IFNAR2: variants seen among roughly 807,000 people sequenced by gnomAD.
The protein encoded by IFNAR2 is interferon alpha and beta receptor subunit 2.
Under a neutral mutation model 49.4 loss-of-function variants are expected in IFNAR2, and 30 were observed. The observed-to-expected ratio is 0.61, with a 90% CI of 0.45 to 0.82. IFNAR2 has a LOEUF of 0.82. Among genes scored for constraint, IFNAR2 ranks in the 40% least tolerant of loss-of-function variants. IFNAR2 has a pLI of 0.00. For synonymous variants in IFNAR2, 224 were observed against 234.5 expected (o/e 0.96, Z 0.41); for missense variants, 600 against 622.7 (o/e 0.96, Z 0.39).
chr21:33,253,008 T>G lies in IFNAR2; in HGVS notation c.709+178T>G, dbSNP rs1471164237. On this transcript the variant is annotated intron_variant, in intron 7 of 8. Coordinates refer to ENST00000342136, the MANE Select transcript of IFNAR2 (RefSeq NM_001289125.3). ...TGTGTATGATCTGGTAGAGTCACTT[T>G]TATATTGTCATACCAAAAAACAATC... The G allele has an allele frequency of 1.3e-5, 8 of 635,570 alleles. No individual in the cohort carries two copies. The Admixed American group carries it at 2.2e-4, about 17-fold the overall frequency. The allele number at this position is 635,570 out of a possible 1,614,324, so 39.4% of individuals were successfully genotyped here. A position where few individuals can be genotyped will look rare whatever the true frequency, so the allele number is the denominator to read the frequency against.
At position 33,229,955 on chromosome 21, in the gene IFNAR2, C is replaced by T; in HGVS notation, c.-345C>T. 14 of 983,888 alleles carry T rather than the reference C, an allele frequency of 1.4e-5. No homozygotes were observed. Among genetic ancestry groups the T allele is most frequent in the Non-Finnish European group, 1.7e-5 (14 of 829,420 alleles). 60.9% of individuals were successfully genotyped at this position (983,888 alleles called of 1,614,324 possible). ...GCGCTTCCGTATCGCTCCTCGTAGG[C>T]CGGGGCTCGGCGCGCGCACCCGCAC... On this transcript the variant is annotated 5_prime_UTR_variant, in exon 1 of 9. Transcript: ENST00000342136.
chr21:33,232,440 G>C (rs1478658981), intron 1 of IFNAR2, among the ~76,000 whole-genome samples: 1 of 152,042 alleles, frequency 6.6e-6, no homozygotes, highest in East Asian at 1.9e-4. Flanking sequence ...AATTTTCTCT[G>C]GCCCTAACAG....
At position 33,264,762 on chromosome 21, in the gene IFNAR2, G is replaced by A. The variant is rs1350191586; in HGVS notation, c.*1262G>A. On this transcript the variant is annotated 3_prime_UTR_variant, in exon 9 of 9. Transcript: ENST00000342136. ...CCAGCACTTTGGGATGCCTAAACAG[G>A]CGTATCGCTTGAGGCCAGTAATTCG... 1.3e-5 allele frequency: 2 copies of A among 152,254 alleles called. No individual in the cohort carries two copies. Among genetic ancestry groups the A allele is most frequent in the Non-Finnish European group, 2.9e-5 (2 of 68,096 alleles). 9.4% of individuals were successfully genotyped at this position (152,254 alleles called of 1,614,324 possible). A position where few individuals can be genotyped will look rare whatever the true frequency, so the allele number is the denominator to read the frequency against.
At chr21:33,244,847 A>C in intron 3 of IFNAR2, 104 bp from the exon 4 acceptor site, 1 of 1,056,056 alleles carries the variant, frequency 9.5e-7, no homozygotes, top group Non-Finnish European at 1.4e-6. Flanking sequence ...TGGAGAGGTT[A>C]TCTGCCAGAG....
Position 33,265,565 on chromosome 21 carries a change from A to G in IFNAR2, c.*2065A>G, listed in dbSNP as rs567506565. ...GGGTTGATCTTTTGCGATAACCTCT[A>G]TGGCTGTGAGTGTGTGTGTGTGTTT... On this transcript the variant is annotated 3_prime_UTR_variant, in exon 9 of 9. Coordinates refer to ENST00000342136, the MANE Select transcript of IFNAR2 (RefSeq NM_001289125.3). The G allele has an allele frequency of 1.6e-4, 29 of 175,958 alleles. No individual in the cohort carries two copies. Among genetic ancestry groups the G allele is most frequent in the East Asian group, 3.6e-4 (2 of 5,568 alleles). The allele number at this position is 175,958 out of a possible 1,614,324, so 10.9% of individuals were successfully genotyped here.
At chr21:33,261,989 A>T (rs909786185) in intron 8 of IFNAR2, among the ~76,000 whole-genome samples, 6 of 152,232 alleles carry the variant, frequency 3.9e-5, no homozygotes, top group African/African-American at 1.4e-4. Flanking sequence ...TTTGAAAGGC[A>T]GCTGCTCCCA....
intron 1 of IFNAR2, among the ~76,000 whole-genome samples, chr21:33,236,359 A>G (rs932029758): frequency 6.6e-6 from 1 of 152,162 alleles, no homozygotes; most frequent in African/African-American, 2.4e-5. Context: ...GTGGAAGTCA[A>G]GCCTTGCATC....
chr21:33,244,071 C>T (rs1177861103), intron 3 of IFNAR2, among the ~76,000 whole-genome samples: 1 of 152,120 alleles, frequency 6.6e-6, no homozygotes, highest in Non-Finnish European at 1.5e-5. Flanking sequence ...TGATTCCAGA[C>T]AAAGGACAAT....
chr21:33,232,634 G>T lies in IFNAR2; in HGVS notation c.-84+2418G>T, dbSNP rs1029733153. On this transcript the variant is annotated intron_variant, in intron 1 of 8. Transcript: ENST00000342136. ...TTCTCTGTAATAAATAGGAAAGAAG[G>T]AGACTGATCCAGTCCTTGTTAAAAA... Among the ~76,000 whole-genome samples, 18 of 150,340 alleles carry T rather than the reference G, an allele frequency of 1.2e-4. No homozygotes were observed. The Admixed American group carries it at 1.2e-3, about 10-fold the overall frequency.
intron 1 of IFNAR2, among the ~76,000 whole-genome samples, chr21:33,233,974 A>C (rs921128299): frequency 6.6e-6 from 1 of 152,132 alleles, no homozygotes; most frequent in Non-Finnish European, 1.5e-5. Context: ...CTCTTCTTTC[A>C]AAGAATGGAA....
At chr21:33,250,064 G>A (rs976083260) in intron 6 of IFNAR2, among the ~76,000 whole-genome samples, 5 of 152,172 alleles carry the variant, frequency 3.3e-5, no homozygotes, top group African/African-American at 1.2e-4. Context: ...AAAGATGGGA[G>A]TTAGGAGACC....
In IFNAR2 at chr21:33,244,972, C is replaced by G; in HGVS notation, c.119C>G (p.Thr40Ser). ...DSPDYTDESC[T>S]FKISLRNFRS... ...TTAGATTACACAGATGAATCTTGCA[C>G]TTTCAAGATATCATTGCGAAATTTC... is the stretch of plus-strand genomic sequence containing the variant. The change falls in exon 4 of 9, where the codon ACT becomes AGT. Residue 40 changes from threonine to serine, a missense_variant. Thr to Ser is a moderately conservative substitution (Grantham distance 58). Transcript: ENST00000342136. The G allele has an allele frequency of 6.2e-7, 1 of 1,612,600 alleles. No homozygotes were observed.
At chr21:33,240,206 A>G (rs1206574871) in intron 1 of IFNAR2, among the ~76,000 whole-genome samples, 1 of 152,224 alleles carries the variant, frequency 6.6e-6, no homozygotes, top group Admixed American at 6.5e-5. Context: ...GACCTTTTAT[A>G]TGACGATAGC....
chr21:33,248,777 C>T lies in IFNAR2; in HGVS notation c.463C>T (p.Pro155Ser). The T allele has an allele frequency of 1.2e-6, 2 of 1,611,080 alleles. No homozygotes were observed. The highest frequency in any genetic ancestry group is 1.7e-6 in the Non-Finnish European group (2 of 1,178,242). The change falls in exon 6 of 9, where the codon CCA becomes TCA. Residue 155 changes from proline (P) to serine (S), a missense_variant. Pro to Ser is a moderately conservative substitution (Grantham distance 74). Transcript: ENST00000342136. ...CCACATTAATGTGATGGTGAAATTTCCATCTATTGTTGAGGAAGAATTACA... is the reference window on the plus strand; with the variant it reads ...CCACATTAATGTGATGGTGAAATTTTCATCTATTGTTGAGGAAGAATTACA... ...TNHINVMVKF[P>S]SIVEEELQFD...
At chr21:33,237,627 A>T (rs1175755805) in intron 1 of IFNAR2, among the ~76,000 whole-genome samples, 1 of 152,218 alleles carries the variant, frequency 6.6e-6, no homozygotes, top group African/African-American at 2.4e-5. Context: ...TGGATTGATT[A>T]TGGGAGATGA....
chr21:33,252,702 C>G lies in IFNAR2; in HGVS notation c.581C>G (p.Thr194Ser). 6.2e-7 allele frequency: 1 copy of G among 1,613,736 alleles called. No individual in the cohort carries two copies. The highest frequency in any genetic ancestry group is 8.5e-7 in the Non-Finnish European group (1 of 1,179,814). ...AAAGGAAACATGAGTGGAAATTTCACCTATATCATTGACAAGTTAATTCCA... is the reference window on the plus strand; with the variant it reads ...AAAGGAAACATGAGTGGAAATTTCAGCTATATCATTGACAAGTTAATTCCA... Reference protein sequence around the residue: ...EIKGNMSGNFTYIIDKLIPNT... With the variant: ...EIKGNMSGNFSYIIDKLIPNT... Residue 194 changes from threonine (T) to serine (S), a missense_variant, in exon 7 of 9, where the codon ACC (threonine) becomes AGC (serine). By Grantham distance (58) the Thr-to-Ser change is moderately conservative (BLOSUM62 1). Transcript: ENST00000342136.
At chr21:33,236,985 G>C (rs902888772) in intron 1 of IFNAR2, 15 of 635,290 alleles carry the variant, frequency 2.4e-5, no homozygotes, top group South Asian at 7.0e-5. Flanking sequence ...CAAGCAAGAA[G>C]AATCTGGTAA....
At chr21:33,257,357 A>G (rs1052708151) in intron 7 of IFNAR2, among the ~76,000 whole-genome samples, 1 of 152,208 alleles carries the variant, frequency 6.6e-6, no homozygotes, top group Non-Finnish European at 1.5e-5. Flanking sequence ...AGCATGGTTT[A>G]TTGTGAAGAG....
intron 5 of IFNAR2, among the ~76,000 whole-genome samples, chr21:33,247,496 C>T (rs1025465280): frequency 7.9e-5 from 12 of 152,120 alleles, no homozygotes; most frequent in Non-Finnish European, 1.5e-4. Context: ...GTGATCCACC[C>T]GCCTCAGCCT....
Sources: gnomAD v4.1 joint callset for allele counts (sites outside exome capture counted in the v4.1 genomes callset) on GRCh38, gnomAD v4.1.1 for gene constraint, MANE v1.5 for transcripts, NCBI Gene and HGNC (gene_info 2026-07-23, HGNC 2026-07-21) for gene names.